The following CACNA1D variants were observed in gnomAD, a reference collection of about 807,000 sequenced individuals.
CACNA1D encodes voltage-dependent L-type calcium channel subunit alpha-1D.
Under a neutral mutation model 257.1 loss-of-function variants are expected in CACNA1D, and 55 were observed. The ratio of observed to expected loss-of-function variants is 0.21; its 90% CI spans 0.17 to 0.27. CACNA1D has a LOEUF of 0.27. Among genes scored for constraint, CACNA1D ranks in the 10% least tolerant of loss-of-function variants. The probability of loss-of-function intolerance (pLI) is 1.00; values close to 1 mark genes in which losing one functional copy is unlikely to be tolerated. For synonymous variants in CACNA1D, 980 were observed against 1,014.9 expected, an observed-to-expected ratio of 0.97 and a Z score of 0.65; for missense variants, 1,876 against 2,784.0, an observed-to-expected ratio of 0.67 and a Z score of 7.34.
chr3:53,568,125 A>G (rs1160599004), intron 3 of CACNA1D, among the ~76,000 whole-genome samples: 1 of 152,154 alleles, frequency 6.6e-6, no homozygotes, highest in Non-Finnish European at 1.5e-5. Flanking sequence ...GTTCTGTGGA[A>G]AGAAGATGGG....
chr3:53,580,788 GCTTA>G, intron 3 of CACNA1D, among the ~76,000 whole-genome samples: 1 of 152,196 alleles, frequency 6.6e-6, no homozygotes, highest in Admixed American at 6.5e-5. Context: ...GAAGTTCATT[GCTTA>G]AAGTAGCCAT....
At chr3:53,730,636 C>A in intron 16 of CACNA1D, 80 bp downstream of exon 16, 1 of 1,063,724 alleles carries the variant, frequency 9.4e-7, no homozygotes, top group Non-Finnish European at 1.4e-6. Flanking sequence ...CCAGGCTTAC[C>A]CCCGCATCAC....
At chr3:53,596,956 C>T (rs1228233955) in intron 3 of CACNA1D, among the ~76,000 whole-genome samples, 1 of 152,110 alleles carries the variant, frequency 6.6e-6, no homozygotes, top group African/African-American at 2.4e-5. Context: ...GAGAACTGGA[C>T]CATGTGACTT....
At chr3:53,688,493 G>A (rs2094492653) in intron 8 of CACNA1D, among the ~76,000 whole-genome samples, 1 of 152,190 alleles carries the variant, frequency 6.6e-6, no homozygotes, top group African/African-American at 2.4e-5. Context: ...ACCAAGGAGA[G>A]AAATGGATGG....
chr3:53,794,098 A>G (rs2095496986), intron 40 of CACNA1D, among the ~76,000 whole-genome samples: 1 of 152,214 alleles, frequency 6.6e-6, no homozygotes, highest in African/African-American at 2.4e-5. Context: ...CTCTTTCTGA[A>G]AGTGGGGAGA....
At chr3:53,761,949 G>A (rs766271349) in intron 29 of CACNA1D, 49 bp from the exon 30 acceptor site, 30 of 1,282,154 alleles carry the variant, frequency 2.3e-5, no homozygotes, top group Non-Finnish European at 2.7e-5. Flanking sequence ...CCGTGTGGTG[G>A]GTCATTCATA....
At chr3:53,627,614 T>TG (rs1417491978) in intron 3 of CACNA1D, among the ~76,000 whole-genome samples, 4 of 59,268 alleles carry the variant, frequency 6.7e-5, no homozygotes, top group Non-Finnish European at 9.3e-5. Context: ...TGTGGATGGG[T>TG]GGGGGGTGGG....
chr3:53,581,608 A>C (rs1182679595), intron 3 of CACNA1D, among the ~76,000 whole-genome samples: 1 of 152,206 alleles, frequency 6.6e-6, no homozygotes, highest in Non-Finnish European at 1.5e-5. Context: ...TTTGTTAAAT[A>C]CTTAATGGCT....
intron 3 of CACNA1D, among the ~76,000 whole-genome samples, chr3:53,557,628 C>T (rs1036444070): frequency 2.0e-5 from 3 of 152,188 alleles, no homozygotes; most frequent in African/African-American, 4.8e-5. Flanking sequence ...TGTTGAAAAG[C>T]CTATCCTTTC....
chr3:53,560,424 A>G (rs2092717825), intron 3 of CACNA1D, among the ~76,000 whole-genome samples: 1 of 152,184 alleles, frequency 6.6e-6, no homozygotes, highest in Non-Finnish European at 1.5e-5. Flanking sequence ...TCCTGCATAG[A>G]GTGGGATTTA....
chr3:53,794,368 T>C (rs936174316), intron 40 of CACNA1D, among the ~76,000 whole-genome samples: 6 of 152,130 alleles, frequency 3.9e-5, no homozygotes, highest in Non-Finnish European at 8.8e-5. Flanking sequence ...CTCTTAGACC[T>C]AAGGGACACA....
chr3:53,732,144 C>A, intron 18 of CACNA1D, 62 bp downstream of exon 18: 2 of 1,301,082 alleles, frequency 1.5e-6, no homozygotes, highest in Non-Finnish European at 2.2e-6. Context: ...GCTCTGTGAC[C>A]ACCTGCCGAG....
chr3:53,559,946 C>G (rs2092708377), intron 3 of CACNA1D, among the ~76,000 whole-genome samples: 1 of 151,826 alleles, frequency 6.6e-6, no homozygotes, highest in Admixed American at 6.6e-5. Context: ...GTTTTAGGTA[C>G]CTGCTCCGCC....
chr3:53,618,303 C>T (rs1169449276), intron 3 of CACNA1D, among the ~76,000 whole-genome samples: 1 of 152,174 alleles, frequency 6.6e-6, no homozygotes, highest in African/African-American at 2.4e-5. Context: ...CAGCATGTAG[C>T]TGTCCTCAGA....
intron 8 of CACNA1D, among the ~76,000 whole-genome samples, chr3:53,696,696 A>G (rs1233863179): frequency 2.6e-5 from 4 of 152,184 alleles, no homozygotes; most frequent in East Asian, 3.9e-4. Context: ...AAGATGGGAG[A>G]AGGCTGCCCA....
intron 5 of CACNA1D, among the ~76,000 whole-genome samples, chr3:53,662,151 C>T (rs1475231010): frequency 1.3e-5 from 2 of 152,176 alleles, no homozygotes; most frequent in Non-Finnish European, 2.9e-5. Flanking sequence ...ATTGTTTAGT[C>T]CCTGCTAAAG....
intron 3 of CACNA1D, among the ~76,000 whole-genome samples, chr3:53,521,276 C>T (rs1022162919): frequency 3.9e-5 from 6 of 152,118 alleles, no homozygotes; most frequent in African/African-American, 1.2e-4. Context: ...ATCCTGGCCT[C>T]AAGCGATTCC....
chr3:53,723,387 G>A lies in CACNA1D; in HGVS notation c.1667-47G>A, dbSNP rs1251940527. The stretch of plus-strand genomic sequence containing the variant: ...GGTGTGAGGGGCACGAGCAGTCTGA[G>A]TGTCTTGCAGGAGACCCTGAGGATG... On this transcript the variant is annotated intron_variant, in intron 12 of 47. Coordinates refer to ENST00000350061, the MANE Select transcript of CACNA1D (RefSeq NM_001128840.3). The surrounding 1 kb of genome is among the most constrained non-coding windows in gnomAD (Gnocchi z 5.6). 1.1e-5 allele frequency: 16 copies of A among 1,406,164 alleles called. No homozygotes were observed. The highest frequency in any genetic ancestry group is 1.6e-5 in the Non-Finnish European group (16 of 990,404). 87.1% of individuals were successfully genotyped at this position (1,406,164 alleles called of 1,614,324 possible). A position where few individuals can be genotyped will look rare whatever the true frequency, so the allele number is the denominator to read the frequency against.
intron 3 of CACNA1D, among the ~76,000 whole-genome samples, chr3:53,536,446 C>G (rs1311757187): frequency 6.6e-6 from 1 of 151,996 alleles, no homozygotes; most frequent in Non-Finnish European, 1.5e-5. Context: ...TTCACAGAAG[C>G]ATTGTTGAAA....
Sources: allele counts gnomAD v4.1 joint callset (sites outside exome capture counted in the v4.1 genomes callset), GRCh38; gene constraint gnomAD v4.1.1; non-coding constraint Gnocchi (gnomAD v3.1); transcripts MANE v1.5; gene names NCBI Gene and HGNC (gene_info 2026-07-23, HGNC 2026-07-21).